DNA2: variants seen among roughly 807,000 people sequenced by gnomAD.
The protein encoded by DNA2 is DNA replication ATP-dependent helicase/nuclease DNA2.
A neutral mutation model predicts 119.1 loss-of-function variants in DNA2; 101 were observed. That is an observed-to-expected ratio of 0.85 (90% CI 0.72 to 1.00). DNA2 has a LOEUF of 1.00. Ranked by LOEUF, DNA2 falls within the 50% of genes least tolerant of loss-of-function variation. DNA2 has a pLI of 0.00. For missense variants in DNA2, 1,121 were observed against 1,255.5 expected, an observed-to-expected ratio of 0.89 and a Z score of 1.62; for synonymous variants, 366 against 424.4, an observed-to-expected ratio of 0.86 and a Z score of 1.69.
chr10:68,450,388 T>G, intron 5 of DNA2, 141 bp from the exon 6 acceptor site: 2 of 688,280 alleles, frequency 2.9e-6, no homozygotes, highest in South Asian at 1.9e-5. Context: ...ATTTTCAAAC[T>G]TGGTCCCTGG....
rs773427416 is a variant in DNA2, at chr10:68,470,086, G to T, written c.152C>A (p.Ala51Glu). The T allele has an allele frequency of 6.2e-7, 1 of 1,613,730 alleles. No homozygotes were observed. Among genetic ancestry groups the T allele is most frequent in the South Asian group, 1.1e-5 (1 of 91,010 alleles). ...TGMDNRYLVL[A>E]VNTVQNKEGN... The stretch of plus-strand genomic sequence containing the variant: ...CTCTTTGTTCTGTACAGTATTGACT[G>T]CCAACACCAGGTACCGGTTATCCAT... Residue 51 changes from alanine (A) to glutamate (E), a missense_variant, in exon 2 of 21, where the codon GCA becomes GAA. By Grantham distance (107) the Ala-to-Glu change is moderately radical. Coordinates refer to ENST00000358410, the MANE Select transcript of DNA2 (RefSeq NM_001080449.3).
intron 5 of DNA2, among the ~76,000 whole-genome samples, chr10:68,455,756 G>C (rs2052174202): frequency 6.6e-6 from 1 of 152,092 alleles, no homozygotes; most frequent in Admixed American, 6.6e-5. Context: ...AGGAAGCAGA[G>C]GTTGCAGTGA....
At chr10:68,451,390 T>C (rs1162204185) in intron 5 of DNA2, among the ~76,000 whole-genome samples, 4 of 152,112 alleles carry the variant, frequency 2.6e-5, no homozygotes, top group African/African-American at 7.2e-5. Context: ...AAAGGGAACA[T>C]ATAAATGTTG....
At chr10:68,471,673 TGCACCGGGTCCCTGG>T (rs1340777339) in intron 1 of DNA2, 103 bp downstream of exon 1, 1 of 1,278,524 alleles carries the variant, frequency 7.8e-7, no homozygotes, top group Non-Finnish European at 1.1e-6. Flanking sequence ...CCCAGGGAGC[TGCACCGGGTCCCTGG>T]GCCCCGGGCC....
At chr10:68,444,695 G>C (rs2052014572) in intron 8 of DNA2, among the ~76,000 whole-genome samples, 1 of 137,692 alleles carries the variant, frequency 7.3e-6, no homozygotes. Context: ...TTGCACTCCA[G>C]CCTGGGCCAC....
At position 68,444,932 on chromosome 10, in the gene DNA2, A is replaced by G. The variant is rs2052018273; in HGVS notation, c.1209T>C (p.Ala403=). 6.2e-7 allele frequency: 1 copy of G among 1,613,074 alleles called. No homozygotes were observed. The highest frequency in any genetic ancestry group is 1.3e-5 in the African/African-American group (1 of 74,924). ...CKYCSQIGNC[A]LYSRAVEQQM... is the part of the protein sequence containing the mutation. ...TAGACAATATTTACCTGCTATAAAG[A>G]GCACAATTGCCAATTTGTGAACAAT... The change falls in exon 8 of 21, where the codon GCT becomes GCC. Residue 403 remains alanine (A), a synonymous_variant. Transcript: ENST00000358410.
chr10:68,443,864 T>C (rs1242513919), intron 8 of DNA2, among the ~76,000 whole-genome samples: 3 of 151,922 alleles, frequency 2.0e-5, no homozygotes, highest in Admixed American at 2.0e-4. Flanking sequence ...GGCAGGAGAA[T>C]TGCTTGAACC....
chr10:68,418,344 G>A (rs1402149799), intron 19 of DNA2, among the ~76,000 whole-genome samples: 7 of 150,736 alleles, frequency 4.6e-5, no homozygotes, highest in East Asian at 2.0e-4. Flanking sequence ...CCTGGGAGGC[G>A]AAGGTTGCAG....
At chr10:68,462,500 AT>A (rs1277937928) in intron 4 of DNA2, among the ~76,000 whole-genome samples, 3 of 152,298 alleles carry the variant, frequency 2.0e-5, no homozygotes, top group African/African-American at 7.2e-5. Context: ...GTCTTTAATA[AT>A]TTTTTAGTGT....
intron 10 of DNA2, among the ~76,000 whole-genome samples, chr10:68,435,172 G>A (rs1478235545): frequency 1.3e-5 from 2 of 151,676 alleles, no homozygotes; most frequent in Non-Finnish European, 2.9e-5. Context: ...TCCCACCTCG[G>A]CCTCCACAGT....
At chr10:68,431,758 C>T in intron 13 of DNA2, 104 bp downstream of exon 13, 3 of 709,270 alleles carry the variant, frequency 4.2e-6, no homozygotes, top group Non-Finnish European at 7.1e-6. Flanking sequence ...AACAAAGACA[C>T]TGAATTAAAA....
intron 8 of DNA2, among the ~76,000 whole-genome samples, chr10:68,444,173 C>T (rs1486641798): frequency 3.3e-5 from 5 of 151,696 alleles, no homozygotes; most frequent in African/African-American, 1.2e-4. Context: ...GGGCGGATCA[C>T]GAGGTCAAGA....
At chr10:68,470,755 C>A in intron 1 of DNA2, 1 of 325,982 alleles carries the variant, frequency 3.1e-6, no homozygotes, top group Non-Finnish European at 6.0e-6. Flanking sequence ...ACTTATGTTA[C>A]GGAAAAGGGT....
chr10:68,450,774 C>A (rs1013820595), intron 5 of DNA2, among the ~76,000 whole-genome samples: 1 of 152,088 alleles, frequency 6.6e-6, no homozygotes, highest in African/African-American at 2.4e-5. Flanking sequence ...CATGTGGTTG[C>A]GCCCTAAGCA....
intron 4 of DNA2, among the ~76,000 whole-genome samples, chr10:68,464,976 G>A (rs2052309782): frequency 6.7e-6 from 1 of 148,628 alleles, no homozygotes; most frequent in African/African-American, 2.5e-5. Flanking sequence ...AACATAGCAA[G>A]ACCCCTATCT....
rs537707747 is a variant in DNA2, at chr10:68,435,784, T to C, written c.1646+1227A>G. On this transcript the variant is annotated intron_variant, in intron 10 of 20. Transcript: ENST00000358410. ...ATTTTTATTTAAATCAGCCATTTTG[T>C]TGTAACTGAAATGGGTATACTTATA... Among the ~76,000 whole-genome samples, 66 of 152,268 alleles carry C rather than the reference T, an allele frequency of 4.3e-4. No individual in the cohort carries two copies. In the South Asian group the frequency reaches 0.011, roughly 26 times the overall value.
chr10:68,469,085 G>A (rs1334701336), intron 2 of DNA2, among the ~76,000 whole-genome samples: 5 of 152,014 alleles, frequency 3.3e-5, no homozygotes, highest in South Asian at 2.1e-4. Flanking sequence ...ATTAATTCAC[G>A]GCTTAGACGA....
intron 1 of DNA2, chr10:68,470,738 A>G (rs779009621): frequency 9.5e-6 from 3 of 316,764 alleles, no homozygotes; most frequent in Non-Finnish European, 1.9e-5. Flanking sequence ...CTTTTTGTAA[A>G]TATGAGACTT....
intron 14 of DNA2, among the ~76,000 whole-genome samples, chr10:68,426,761 C>G (rs1240359425): frequency 6.6e-6 from 1 of 151,498 alleles, no homozygotes; most frequent in Non-Finnish European, 1.5e-5. Flanking sequence ...ATGGCGTGAA[C>G]CCGGGAGGCA....
Sources: gnomAD v4.1 joint callset for allele counts (sites outside exome capture counted in the v4.1 genomes callset) on GRCh38, gnomAD v4.1.1 for gene constraint, MANE v1.5 for transcripts, NCBI Gene and HGNC (gene_info 2026-07-23, HGNC 2026-07-21) for gene names.